The following GPR37L1 variants were observed in gnomAD, a reference collection of about 807,000 sequenced individuals.
The protein encoded by GPR37L1 is G protein-coupled receptor 37-like 1.
A neutral mutation model predicts 18.0 loss-of-function variants in GPR37L1; 18 were observed. That is an observed-to-expected ratio of 1.00 (90% CI 0.69 to 1.49). The LOEUF (loss-of-function observed/expected upper bound fraction) is 1.49, where lower values mean the gene tolerates loss of function less well. Among genes scored for constraint, GPR37L1 ranks in the 40% most tolerant of loss-of-function variants. The pLI, the probability that GPR37L1 is intolerant of heterozygous loss-of-function variation, is 0.00. For missense variants in GPR37L1, 558 were observed against 615.1 expected (o/e 0.91, Z 0.98); for synonymous variants, 256 against 273.9 (o/e 0.93, Z 0.65).
rs1216664787 is a variant in GPR37L1, at chr1:202,129,776, G to A, written c.*1220G>A. The A allele has an allele frequency of 6.6e-6, 1 of 152,336 alleles. No individual in the cohort carries two copies. Among genetic ancestry groups the A allele is most frequent in the Middle Eastern group, 3.1e-3 (1 of 320 alleles). 9.4% of individuals were successfully genotyped at this position (152,336 alleles called of 1,614,324 possible). On this transcript the variant is annotated 3_prime_UTR_variant, in exon 2 of 2. Coordinates refer to ENST00000367282, the MANE Select transcript of GPR37L1 (RefSeq NM_004767.5). ...TCCTGGCCTAAACCCCATGCTCCTT[G>A]GGAAGTCAAAAGCCTGGAAAATATC...
chr1:202,123,174 A>G lies in GPR37L1; in HGVS notation c.211A>G (p.Ile71Val), dbSNP rs758268638. Reference protein sequence around the residue: ...PEEWAEYPRPIHPAGLQPTKP... With the variant: ...PEEWAEYPRPVHPAGLQPTKP... ...GGAGTGGGCGGAGTACCCCCGGCCC[A>G]TTCACCCTGCTGGCCTGCAGCCAAC... The change falls in exon 1 of 2, where the codon ATT becomes GTT. Residue 71 changes from isoleucine (I) to valine (V), a missense_variant. Coordinates refer to ENST00000367282, the MANE Select transcript of GPR37L1 (RefSeq NM_004767.5). The G allele has an allele frequency of 1.2e-6, 2 of 1,613,292 alleles. No individual in the cohort carries two copies. Among genetic ancestry groups the G allele is most frequent in the Non-Finnish European group, 1.7e-6 (2 of 1,179,708 alleles).
intron 1 of GPR37L1, among the ~76,000 whole-genome samples, chr1:202,123,801 G>A (rs1340254627): frequency 4.6e-5 from 7 of 152,144 alleles, no homozygotes; most frequent in African/African-American, 1.7e-4. Flanking sequence ...AGGCCAGGGG[G>A]ACAGGCGGGT....
At position 202,131,624 on chromosome 1, in the gene GPR37L1, G is replaced by C. The variant is rs916864727; in HGVS notation, c.*3068G>C. 4.0e-5 allele frequency: 6 copies of C among 151,386 alleles called. No homozygotes were observed. The highest frequency in any genetic ancestry group is 1.9e-4 in the East Asian group (1 of 5,168). 9.4% of individuals were successfully genotyped at this position (151,386 alleles called of 1,614,324 possible). A position where few individuals can be genotyped will look rare whatever the true frequency, so the allele number is the denominator to read the frequency against. On this transcript the variant is annotated 3_prime_UTR_variant, in exon 2 of 2. Transcript: ENST00000367282. Reference sequence around the variant, plus strand: ...GTTTTTTTTTTCTTAAGAGCTGGGTGGGGGGGTCTCACTATGTTGCCCAGG... The same window carrying C: ...GTTTTTTTTTTCTTAAGAGCTGGGTCGGGGGGTCTCACTATGTTGCCCAGG...
In GPR37L1 at chr1:202,131,393, T is replaced by C. The variant is rs1313280083; in HGVS notation, c.*2837T>C. 1 of 152,232 alleles carries C rather than the reference T, an allele frequency of 6.6e-6. No individual in the cohort carries two copies. The allele number at this position is 152,232 out of a possible 1,614,324, so 9.4% of individuals were successfully genotyped here. On this transcript the variant is annotated 3_prime_UTR_variant, in exon 2 of 2. Transcript: ENST00000367282. Reference sequence around the variant, plus strand: ...TTCACAGAGGATTATGGTCATTTAATGAGACAAGATACATAAAGCACTTTG... The same window carrying C: ...TTCACAGAGGATTATGGTCATTTAACGAGACAAGATACATAAAGCACTTTG...
At position 202,128,350 on chromosome 1, in the gene GPR37L1, G is replaced by C. The variant is rs141962107; in HGVS notation, c.1240G>C (p.Val414Leu). 4 of 1,614,108 alleles carry C rather than the reference G, an allele frequency of 2.5e-6. No individual in the cohort carries two copies. In the South Asian group the frequency reaches 3.3e-5, roughly 13 times the overall value. Reference protein sequence around the residue: ...STFFKGAITPVLLLCICRPLG... With the variant: ...STFFKGAITPLLLLCICRPLG... ...CTTCTTCAAGGGCGCCATCACCCCAGTGCTGCTCCTTTGCATCTGCAGGCC... is the reference window on the plus strand; with the variant it reads ...CTTCTTCAAGGGCGCCATCACCCCACTGCTGCTCCTTTGCATCTGCAGGCC... Residue 414 changes from valine (V) to leucine (L), a missense_variant, in exon 2 of 2, where the codon GTG (valine) becomes CTG (leucine). Coordinates refer to ENST00000367282, the MANE Select transcript of GPR37L1 (RefSeq NM_004767.5).
intron 1 of GPR37L1, among the ~76,000 whole-genome samples, chr1:202,126,399 C>A (rs11581381): frequency 1.3e-5 from 2 of 150,816 alleles, no homozygotes; most frequent in African/African-American, 4.9e-5. Flanking sequence ...CAGAGTGAGA[C>A]TCTCGGAAAA....
At position 202,131,636 on chromosome 1, in the gene GPR37L1, CTA is replaced by C. The variant is rs1007607258; in HGVS notation, c.*3082_*3083del. On this transcript the variant is annotated 3_prime_UTR_variant, in exon 2 of 2. Coordinates refer to ENST00000367282, the MANE Select transcript of GPR37L1 (RefSeq NM_004767.5). ...TTAAGAGCTGGGTGGGGGGGTCTCA[CTA>C]TGTTGCCCAGGCTGGCTTTGAACTC... 2.0e-5 allele frequency: 3 copies of C among 152,062 alleles called. No individual in the cohort carries two copies. The highest frequency in any genetic ancestry group is 4.4e-5 in the Non-Finnish European group (3 of 68,062). The allele number at this position is 152,062 out of a possible 1,614,324, so 9.4% of individuals were successfully genotyped here.
rs35555096 is a variant in GPR37L1, at chr1:202,129,005, C to CTT, written c.*469_*470dup. 26 of 100,028 alleles carry CTT rather than the reference C, an allele frequency of 2.6e-4. No individual in the cohort carries two copies. Among genetic ancestry groups the CTT allele is most frequent in the Non-Finnish European group, 3.5e-4 (18 of 50,868 alleles). 6.2% of individuals were successfully genotyped at this position (100,028 alleles called of 1,614,324 possible). ...GCCCAGTGTGGCTCACCACACTCTT[C>CTT]TTTTTTTTTTTTTTTTTTTTTGAGA... On this transcript the variant is annotated 3_prime_UTR_variant, in exon 2 of 2. Transcript: ENST00000367282.
chr1:202,126,011 C>T (rs954381624), intron 1 of GPR37L1, among the ~76,000 whole-genome samples: 23 of 152,140 alleles, frequency 1.5e-4, no homozygotes, highest in African/African-American at 4.3e-4. Flanking sequence ...CGTGATCCAC[C>T]GCGCCCAGCA....
In GPR37L1 at chr1:202,129,842, A is replaced by G. The variant is rs183013749; in HGVS notation, c.*1286A>G. 469 of 152,476 alleles carry G rather than the reference A, an allele frequency of 3.1e-3. 1 individual carries two copies. Among genetic ancestry groups the G allele is most frequent in the Non-Finnish European group, 5.4e-3 (366 of 68,192 alleles). 9.4% of individuals were successfully genotyped at this position (152,476 alleles called of 1,614,324 possible). ...ATCTCTGCTATGCCCTCTCTCCACA[A>G]AGCCCCCCTTGGAGGGAGTCCAGTG... On this transcript the variant is annotated 3_prime_UTR_variant, in exon 2 of 2. Transcript: ENST00000367282.
rs1374963667 is a variant in GPR37L1 at position 202,128,290 on chromosome 1, C to G, written c.1180C>G (p.Leu394Val). Reference protein sequence around the residue: ...YLSTELTRQTLDLLGLINQFS... With the variant: ...YLSTELTRQTVDLLGLINQFS... Reference sequence around the variant, plus strand: ...CTCCACCGAGCTGACCCGCCAGACCCTGGACCTCCTGGGCCTCATCAACCA... The same window carrying G: ...CTCCACCGAGCTGACCCGCCAGACCGTGGACCTCCTGGGCCTCATCAACCA... The change falls in exon 2 of 2, where the codon CTG becomes GTG. Residue 394 changes from leucine to valine, a missense_variant. Physicochemically the swap from Leu to Val is conservative, Grantham distance 32. Coordinates refer to ENST00000367282, the MANE Select transcript of GPR37L1 (RefSeq NM_004767.5). 2 of 1,614,168 alleles carry G rather than the reference C, an allele frequency of 1.2e-6. No homozygotes were observed. Among genetic ancestry groups the G allele is most frequent in the South Asian group, 1.1e-5 (1 of 91,078 alleles).
rs149645429 is a variant in GPR37L1 at position 202,123,413 on chromosome 1, G to A, written c.450G>A (p.Ser150=). ...VFAVGIVGNL[S]VMCIVWHSYY... ...CGGTGGGCATTGTGGGCAACCTGTC[G>A]GTCATGTGCATCGTGTGGCACAGCT... The change falls in exon 1 of 2, where the codon TCG becomes TCA. Residue 150 remains serine (S), a synonymous_variant. Coordinates refer to ENST00000367282, the MANE Select transcript of GPR37L1 (RefSeq NM_004767.5). 83 of 1,614,112 alleles carry A rather than the reference G, an allele frequency of 5.1e-5. No homozygotes were observed. Among genetic ancestry groups the A allele is most frequent in the East Asian group, 5.1e-4 (23 of 44,860 alleles).
chr1:202,125,646 G>A (rs532734354), intron 1 of GPR37L1, among the ~76,000 whole-genome samples: 13 of 152,132 alleles, frequency 8.5e-5, no homozygotes, highest in Non-Finnish European at 1.9e-4. Flanking sequence ...TTCCTTCTAG[G>A]CTGGGTGGTG....
At chr1:202,127,515 C>T (rs1290501018) in intron 1 of GPR37L1, among the ~76,000 whole-genome samples, 1 of 152,114 alleles carries the variant, frequency 6.6e-6, no homozygotes, top group Non-Finnish European at 1.5e-5. Context: ...AGGGTTCCAT[C>T]ATGTTGCCCA....
chr1:202,125,199 C>T (rs1317371153), intron 1 of GPR37L1, among the ~76,000 whole-genome samples: 1 of 145,984 alleles, frequency 6.9e-6, no homozygotes, highest in African/African-American at 2.5e-5. Context: ...TGGAGAGAGG[C>T]TTTGCATTCT....
At position 202,128,225 on chromosome 1, in the gene GPR37L1, C is replaced by A. The variant is rs1335072527; in HGVS notation, c.1115C>A (p.Thr372Asn). 6.2e-7 allele frequency: 1 copy of A among 1,613,834 alleles called. No individual in the cohort carries two copies. The highest frequency in any genetic ancestry group is 8.5e-7 in the Non-Finnish European group (1 of 1,180,012). Residue 372 changes from threonine (T) to asparagine (N), a missense_variant, in exon 2 of 2, where the codon ACC (threonine) becomes AAC (asparagine). Transcript: ENST00000367282. Reference protein sequence around the residue: ...VGLTVVYAFCTLPENVCNIVV... With the variant: ...VGLTVVYAFCNLPENVCNIVV... ...CTGACCGTGGTCTACGCCTTCTGCA[C>A]CCTCCCAGAGAACGTCTGCAACATC...
At chr1:202,127,029 A>T (rs1057054326) in intron 1 of GPR37L1, among the ~76,000 whole-genome samples, 10 of 152,284 alleles carry the variant, frequency 6.6e-5, no homozygotes, top group African/African-American at 2.2e-4. Flanking sequence ...ATCAGGGTCT[A>T]TGGGAGCCAG....
intron 1 of GPR37L1, among the ~76,000 whole-genome samples, chr1:202,124,661 G>A (rs1352913404): frequency 6.6e-6 from 1 of 152,210 alleles, no homozygotes; most frequent in Non-Finnish European, 1.5e-5. Context: ...GATGCTGCAT[G>A]ACAAGGGGGA....
intron 1 of GPR37L1, among the ~76,000 whole-genome samples, chr1:202,125,879 G>A (rs1267300747): frequency 6.6e-6 from 1 of 152,094 alleles, no homozygotes; most frequent in African/African-American, 2.4e-5. Flanking sequence ...GTGGTACCAC[G>A]CCCGGCTAAT....
Sources: allele counts gnomAD v4.1 joint callset (sites outside exome capture counted in the v4.1 genomes callset), GRCh38; gene constraint gnomAD v4.1.1; transcripts MANE v1.5; gene names NCBI Gene and HGNC (gene_info 2026-07-23, HGNC 2026-07-21).